The following ALG5 variants were observed in gnomAD, a reference collection of about 807,000 sequenced individuals.
The protein encoded by ALG5 is ALG5 dolichyl-phosphate beta-glucosyltransferase, also known as dolichyl-phosphate beta-glucosyltransferase.
A neutral mutation model predicts 51.8 loss-of-function variants in ALG5; 26 were observed. That is an observed-to-expected ratio of 0.50 (90% CI 0.37 to 0.70). The LOEUF (loss-of-function observed/expected upper bound fraction) is 0.70. Among genes scored for constraint, ALG5 ranks in the 30% least tolerant of loss-of-function variants. The pLI, the probability that ALG5 is intolerant of heterozygous loss-of-function variation, is 0.00. For synonymous variants in ALG5, 141 were observed against 136.1 expected (o/e 1.04, Z -0.25); for missense variants, 311 against 399.3 (o/e 0.78, Z 1.88).
chr13:36,986,307 T>G (rs1593681380), intron 5 of ALG5, among the ~76,000 whole-genome samples: 1 of 152,342 alleles, frequency 6.6e-6, no homozygotes, highest in South Asian at 2.1e-4. Context: ...CCATTTGCGG[T>G]ATTTGAAACA....
chr13:36,997,179 G>C (rs554396547), intron 1 of ALG5, among the ~76,000 whole-genome samples: 2 of 152,198 alleles, frequency 1.3e-5, no homozygotes, highest in East Asian at 3.9e-4. Flanking sequence ...TCATATTAAA[G>C]ACAAGGAAAA....
At chr13:36,993,546 G>A in intron 4 of ALG5, 58 bp downstream of exon 4, 2 of 1,445,674 alleles carry the variant, frequency 1.4e-6, no homozygotes, top group Non-Finnish European at 1.9e-6. Context: ...GATTTCACAT[G>A]TGCAAAATTA....
At chr13:36,950,182 CA>C in intron 9 of ALG5, 125 bp from the exon 10 acceptor site, 1 of 540,912 alleles carries the variant, frequency 1.8e-6, no homozygotes, top group Non-Finnish European at 3.2e-6. Context: ...AATCATGGAC[CA>C]AAAAGTTAAA....
At chr13:36,972,127 T>C in intron 6 of ALG5, 91 bp from the exon 7 acceptor site, 1 of 1,082,232 alleles carries the variant, frequency 9.2e-7, no homozygotes. Context: ...TTTTAGAAAC[T>C]GATTTTAAAA....
chr13:36,994,815 G>A (rs1161721887), intron 3 of ALG5, among the ~76,000 whole-genome samples, 174 bp downstream of exon 3: 1 of 151,824 alleles, frequency 6.6e-6, no homozygotes, highest in African/African-American at 2.4e-5. Flanking sequence ...CCTGCCTCTG[G>A]AGGTAGCATG....
intron 8 of ALG5, among the ~76,000 whole-genome samples, chr13:36,960,035 A>T (rs1456734745): frequency 6.6e-6 from 1 of 152,194 alleles, no homozygotes; most frequent in Non-Finnish European, 1.5e-5. Context: ...ACAGATCCAT[A>T]GTAAAGTCAA....
intron 3 of ALG5, 100 bp downstream of exon 3, chr13:36,994,889 C>G (rs901922275): frequency 1.9e-5 from 20 of 1,028,880 alleles, no homozygotes; most frequent in Non-Finnish European, 2.7e-5. Flanking sequence ...CGGGGTGCTG[C>G]CAGGACTGCC....
chr13:36,994,913 C>A, intron 3 of ALG5, 76 bp downstream of exon 3: 1 of 1,323,374 alleles, frequency 7.6e-7, no homozygotes, highest in Non-Finnish European at 1.1e-6. Context: ...CACAGTGCAT[C>A]TGGCTTGGGG....
rs1176356277 is a variant in ALG5 at position 36,972,019 on chromosome 13, T to C, written c.579A>G (p.Ala193=). Residue 193 remains alanine (A), a synonymous_variant, in exon 7 of 10, where the codon GCA becomes GCG. Transcript: ENST00000239891. Reference sequence around the variant, plus strand: ...TTTCTAAATGAGCTCGAGATCCACATGCTATAGCCATTTGATTCTGAGGGA... The same window carrying C: ...TTTCTAAATGAGCTCGAGATCCACACGCTATAGCCATTTGATTCTGAGGGA... The part of the protein sequence containing the change: ...LQPWPNQMAI[A]CGSRAHLEKE... 3 of 1,599,098 alleles carry C rather than the reference T, an allele frequency of 1.9e-6. No individual in the cohort carries two copies. The highest frequency in any genetic ancestry group is 3.4e-5 in the Admixed American group (2 of 59,678).
At chr13:36,972,721 G>T (rs1487815145) in intron 6 of ALG5, among the ~76,000 whole-genome samples, 3 of 152,124 alleles carry the variant, frequency 2.0e-5, no homozygotes, top group Admixed American at 1.3e-4. Context: ...GGCCGGGCGT[G>T]GTGGCTCACG....
chr13:36,983,321 T>C (rs2058987803), intron 6 of ALG5, among the ~76,000 whole-genome samples: 1 of 152,250 alleles, frequency 6.6e-6, no homozygotes, highest in Admixed American at 6.5e-5. Flanking sequence ...AATGAGATTT[T>C]CCTTTTAGCC....
intron 7 of ALG5, among the ~76,000 whole-genome samples, chr13:36,970,638 C>T (rs985144343): frequency 2.0e-5 from 3 of 151,260 alleles, no homozygotes; most frequent in Non-Finnish European, 4.4e-5. Context: ...GAAGGCCGGG[C>T]GTGGTGGCTC....
At chr13:36,977,771 G>A (rs1335420062) in intron 6 of ALG5, among the ~76,000 whole-genome samples, 1 of 124,462 alleles carries the variant, frequency 8.0e-6, no homozygotes, top group East Asian at 2.2e-4. Context: ...TAGCCTGGGC[G>A]ACAGAGTGAG....
intron 7 of ALG5, among the ~76,000 whole-genome samples, chr13:36,971,054 G>A (rs1171472949): frequency 6.6e-6 from 1 of 152,096 alleles, no homozygotes; most frequent in Admixed American, 6.5e-5. Flanking sequence ...ATCATTGGGG[G>A]AAAGGTTCAA....
chr13:36,965,161 GA>G (rs1297659056), intron 8 of ALG5, among the ~76,000 whole-genome samples: 1 of 152,138 alleles, frequency 6.6e-6, no homozygotes, highest in African/African-American at 2.4e-5. Context: ...ACATGGACAG[GA>G]TTAGGTTTTG....
intron 6 of ALG5, among the ~76,000 whole-genome samples, chr13:36,979,324 C>T (rs957172126): frequency 1.3e-5 from 2 of 152,112 alleles, no homozygotes; most frequent in Admixed American, 6.5e-5. Context: ...TAATCACTAC[C>T]TCAGAGTTAT....
intron 8 of ALG5, among the ~76,000 whole-genome samples, chr13:36,960,589 C>T (rs948235318): frequency 2.6e-5 from 4 of 152,128 alleles, no homozygotes; most frequent in Non-Finnish European, 5.9e-5. Context: ...CAAGTGCTCA[C>T]TGCAGCCTTG....
intron 8 of ALG5, among the ~76,000 whole-genome samples, chr13:36,962,643 C>T (rs1210745216): frequency 6.6e-6 from 1 of 151,984 alleles, no homozygotes; most frequent in African/African-American, 2.4e-5. Context: ...TAAGTGAGGT[C>T]AATCTTATGT....
In ALG5 at chr13:36,985,563, AACTTT is replaced by A. The variant is rs1407174866; in HGVS notation, c.561+59_561+63del. On this transcript the variant is annotated intron_variant, in intron 6 of 9. Transcript: ENST00000239891. ...TAAACTGATAGGTAAACTCTCCTTT[AACTTT>A]ACTTTAGCTCTCCTGCATTCTTGAC... 11 of 1,321,642 alleles carry A rather than the reference AACTTT, an allele frequency of 8.3e-6. No individual in the cohort carries two copies. The East Asian group carries it at 2.1e-4, about 25-fold the overall frequency. The allele number at this position is 1,321,642 out of a possible 1,614,324, so 81.9% of individuals were successfully genotyped here.
Sources: allele counts gnomAD v4.1 joint callset (sites outside exome capture counted in the v4.1 genomes callset), GRCh38; gene constraint gnomAD v4.1.1; transcripts MANE v1.5; gene names NCBI Gene and HGNC (gene_info 2026-07-23, HGNC 2026-07-21).